Variants in KIT observed in about 807,000 individuals in gnomAD.
KIT encodes the protein mast/stem cell growth factor receptor Kit.
A neutral mutation model predicts 105.7 loss-of-function variants in KIT; 16 were observed. The ratio of observed to expected loss-of-function variants is 0.15; its 90% confidence interval spans 0.10 to 0.23. The LOEUF is 0.23. KIT is among the 10% of genes least tolerant of loss of function. The pLI is 1.00. For synonymous variants in KIT, 438 were observed against 441.1 expected, an observed-to-expected ratio of 0.99 and a Z score of 0.09; for missense variants, 858 against 1,213.8, an observed-to-expected ratio of 0.71 and a Z score of 4.36.
chr4:54,711,552 A>G (rs946273295), intron 7 of KIT, among the ~76,000 whole-genome samples: 12 of 152,226 alleles, frequency 7.9e-5, no homozygotes, highest in African/African-American at 2.4e-4. Flanking sequence ...TCCAGCAAAC[A>G]GTTTTGATTA....
chr4:54,673,542 C>T (rs991241745), intron 1 of KIT, among the ~76,000 whole-genome samples: 3 of 152,068 alleles, frequency 2.0e-5, no homozygotes, highest in Non-Finnish European at 4.4e-5. Context: ...TTTAAAAATT[C>T]TGATTTATGC....
intron 1 of KIT, 89 bp from the exon 2 acceptor site, chr4:54,695,423 C>A: frequency 7.3e-7 from 1 of 1,365,016 alleles, no homozygotes; most frequent in East Asian, 2.4e-5. Flanking sequence ...TTGTAGAGTA[C>A]ACAGAAGATG....
chr4:54,664,905 A>T (rs77221075), intron 1 of KIT, among the ~76,000 whole-genome samples: 4 of 149,400 alleles, frequency 2.7e-5, no homozygotes, highest in Non-Finnish European at 4.4e-5. Flanking sequence ...TTTTTTTTTA[A>T]TAGTAAAACA....
chr4:54,713,903 A>G (rs1289097818), intron 7 of KIT, among the ~76,000 whole-genome samples: 1 of 152,220 alleles, frequency 6.6e-6, no homozygotes, highest in Non-Finnish European at 1.5e-5. Flanking sequence ...ACATGGGCCT[A>G]TTAAACTGAC....
chr4:54,660,950 G>C (rs938262227), intron 1 of KIT, among the ~76,000 whole-genome samples: 1 of 152,136 alleles, frequency 6.6e-6, no homozygotes, highest in African/African-American at 2.4e-5. Flanking sequence ...TTAGAATTGC[G>C]TGTCTTATGA....
chr4:54,731,474 C>A, intron 15 of KIT, 55 bp downstream of exon 15: 1 of 1,148,462 alleles, frequency 8.7e-7, no homozygotes, highest in Non-Finnish European at 1.3e-6. Flanking sequence ...GTATGTATAT[C>A]ATGCTAATGT....
At chr4:54,727,080 G>A in intron 9 of KIT, 138 bp from the exon 10 acceptor site, 1 of 767,848 alleles carries the variant, frequency 1.3e-6, no homozygotes, top group Non-Finnish European at 2.4e-6. Flanking sequence ...TAACCAAGGT[G>A]AAGCTCTGAG....
At chr4:54,716,204 G>T (rs1432394091) in intron 7 of KIT, among the ~76,000 whole-genome samples, 1 of 152,120 alleles carries the variant, frequency 6.6e-6, no homozygotes, top group African/African-American at 2.4e-5. Context: ...GTAAATAATT[G>T]TAAATTTTAA....
intron 1 of KIT, among the ~76,000 whole-genome samples, chr4:54,693,634 A>G (rs751656141): frequency 1.3e-5 from 2 of 151,340 alleles, no homozygotes; most frequent in Non-Finnish European, 2.9e-5. Flanking sequence ...CCCTATCCTC[A>G]CCCATCCTGA....
intron 7 of KIT, among the ~76,000 whole-genome samples, chr4:54,712,419 G>A (rs1721220395): frequency 6.6e-6 from 1 of 152,208 alleles, no homozygotes; most frequent in Non-Finnish European, 1.5e-5. Flanking sequence ...GAGTTCAGTG[G>A]TTGGGAATTT....
chr4:54,706,228 A>T (rs746850100), intron 5 of KIT, among the ~76,000 whole-genome samples: 11 of 63,958 alleles, frequency 1.7e-4, no homozygotes, highest in Non-Finnish European at 4.4e-4. Flanking sequence ...TAGATAATTT[A>T]AAAAAAAATC....
chr4:54,706,106 A>G, intron 5 of KIT, among the ~76,000 whole-genome samples: 1 of 152,116 alleles, frequency 6.6e-6, no homozygotes, highest in East Asian at 1.9e-4. Context: ...TTGCCATTTT[A>G]TATTATAATA....
chr4:54,692,475 T>C (rs567595447), intron 1 of KIT, among the ~76,000 whole-genome samples: 1 of 152,310 alleles, frequency 6.6e-6, no homozygotes, highest in Admixed American at 6.5e-5. Context: ...GTCAAGGATG[T>C]TTATTTGACT....
At chr4:54,667,913 C>G (rs1161121949) in intron 1 of KIT, among the ~76,000 whole-genome samples, 1 of 152,110 alleles carries the variant, frequency 6.6e-6, no homozygotes, top group Non-Finnish European at 1.5e-5. Flanking sequence ...AATTCTGCTC[C>G]CTTCTCCCTA....
At chr4:54,727,605 G>C (rs1188546653) in intron 11 of KIT, 63 bp downstream of exon 11, 1 of 1,595,246 alleles carries the variant, frequency 6.3e-7, no homozygotes, top group Non-Finnish European at 8.6e-7. Context: ...TGACTTTAAG[G>C]AACTCCAGTG....
intron 1 of KIT, among the ~76,000 whole-genome samples, chr4:54,674,001 G>C (rs1718295662): frequency 6.6e-6 from 1 of 152,080 alleles, no homozygotes; most frequent in Non-Finnish European, 1.5e-5. Flanking sequence ...GAACTCCTGA[G>C]CTCAGGCAAT....
intron 7 of KIT, among the ~76,000 whole-genome samples, chr4:54,715,133 GC>G (rs1721397039): frequency 2.0e-5 from 3 of 152,266 alleles, no homozygotes; most frequent in Admixed American, 2.0e-4. Context: ...ACCAAAATCA[GC>G]CAAAGCAATA....
At chr4:54,736,460 G>T (rs1560424539) in intron 17 of KIT, 38 bp from the exon 18 acceptor site, 1 of 1,423,210 alleles carries the variant, frequency 7.0e-7, no homozygotes. Context: ...TTGAGCTTCT[G>T]AATTAACATT....
chr4:54,685,895 C>G (rs1158979941), intron 1 of KIT, among the ~76,000 whole-genome samples: 1 of 152,210 alleles, frequency 6.6e-6, no homozygotes, highest in Non-Finnish European at 1.5e-5. Context: ...TGCCCACTGC[C>G]TTAGTTTCCC....
Sources: allele counts gnomAD v4.1 joint callset (sites outside exome capture counted in the v4.1 genomes callset), GRCh38; gene constraint gnomAD v4.1.1; transcripts MANE v1.5; gene names NCBI Gene and HGNC (gene_info 2026-07-23, HGNC 2026-07-21).